The following ERC2 variants were observed in gnomAD, a reference collection of about 807,000 sequenced individuals.
ERC2 encodes the protein ERC protein 2.
A neutral mutation model predicts 114.8 loss-of-function variants in ERC2; 42 were observed. That is an observed-to-expected ratio of 0.37 (90% CI 0.29 to 0.47). The LOEUF (loss-of-function observed/expected upper bound fraction) is 0.47. Among genes scored for constraint, ERC2 ranks in the 20% least tolerant of loss-of-function variants. ERC2 has a pLI of 0.99. For missense variants in ERC2, 939 were observed against 1,150.7 expected (o/e 0.82, Z 2.66); for synonymous variants, 454 against 425.5 (o/e 1.07, Z -0.82).
chr3:56,259,362 C>T (rs1329553626), intron 3 of ERC2, among the ~76,000 whole-genome samples: 1 of 152,138 alleles, frequency 6.6e-6, no homozygotes, highest in African/African-American at 2.4e-5. Flanking sequence ...GATGTACGTT[C>T]ACTGCAATTC....
chr3:55,643,354 C>T (rs1559789540), intron 17 of ERC2, among the ~76,000 whole-genome samples: 1 of 152,138 alleles, frequency 6.6e-6, no homozygotes, highest in Non-Finnish European at 1.5e-5. Flanking sequence ...GAGCATCAAT[C>T]ATCATCATGT....
chr3:55,519,665 T>C (rs565660284), intron 17 of ERC2, among the ~76,000 whole-genome samples: 7 of 152,172 alleles, frequency 4.6e-5, no homozygotes, highest in Non-Finnish European at 7.4e-5. Flanking sequence ...GGGTTTGATA[T>C]TATCTAGGCT....
At chr3:55,726,586 A>AT (rs1329862744) in intron 15 of ERC2, among the ~76,000 whole-genome samples, 1 of 152,112 alleles carries the variant, frequency 6.6e-6, no homozygotes, top group Non-Finnish European at 1.5e-5. Context: ...GCCTTCTCCC[A>AT]TTTTTTACCA....
Position 56,119,475 on chromosome 3 carries a change from C to T in ERC2, c.1473+20034G>A, listed in dbSNP as rs150423912. On this transcript the variant is annotated intron_variant, in intron 6 of 17. Coordinates refer to ENST00000288221, the MANE Select transcript of ERC2 (RefSeq NM_015576.3). Reference sequence around the variant, plus strand: ...TGCCATCCCCTTCTTCCCTGGTTTACTCCAACTCATCTTTCAGATCACAGA... The same window carrying T: ...TGCCATCCCCTTCTTCCCTGGTTTATTCCAACTCATCTTTCAGATCACAGA... 1.6e-3 allele frequency among the ~76,000 whole-genome samples: 248 copies of T among 152,362 alleles called. 1 individual carries two copies. The highest frequency in any genetic ancestry group is 5.2e-3 in the African/African-American group (218 of 41,592).
At chr3:56,131,942 T>C (rs1053422349) in intron 6 of ERC2, among the ~76,000 whole-genome samples, 1 of 152,236 alleles carries the variant, frequency 6.6e-6, no homozygotes, top group African/African-American at 2.4e-5. Flanking sequence ...AAAATCACCG[T>C]ACCCCATAAA....
chr3:55,780,736 G>A (rs1575581683), intron 14 of ERC2, among the ~76,000 whole-genome samples: 3 of 152,006 alleles, frequency 2.0e-5, no homozygotes, highest in South Asian at 4.2e-4. Flanking sequence ...CTTAATTTAC[G>A]GATGTGCCTT....
At chr3:56,301,812 C>G (rs1472415484) in intron 2 of ERC2, among the ~76,000 whole-genome samples, 1 of 152,082 alleles carries the variant, frequency 6.6e-6, no homozygotes, top group Non-Finnish European at 1.5e-5. Context: ...AATTGATAAA[C>G]TTTCTGTGCC....
At chr3:55,731,738 C>G (rs1311570055) in intron 15 of ERC2, among the ~76,000 whole-genome samples, 1 of 152,146 alleles carries the variant, frequency 6.6e-6, no homozygotes, top group Admixed American at 6.5e-5. Flanking sequence ...GTATCAAACC[C>G]TCAGTCTTGT....
chr3:56,114,917 A>C (rs1373129517), intron 6 of ERC2, among the ~76,000 whole-genome samples: 1 of 152,230 alleles, frequency 6.6e-6, no homozygotes, highest in Non-Finnish European at 1.5e-5. Flanking sequence ...TGTAAAGCCA[A>C]CAAATTAGCC....
intron 6 of ERC2, among the ~76,000 whole-genome samples, chr3:56,095,477 G>A (rs934179785): frequency 1.3e-5 from 2 of 152,174 alleles, no homozygotes; most frequent in African/African-American, 4.8e-5. Flanking sequence ...ATTCCAGTAT[G>A]TCTAACATGT....
intron 2 of ERC2, among the ~76,000 whole-genome samples, chr3:56,406,518 A>G (rs1381451947): frequency 1.3e-5 from 2 of 152,202 alleles, no homozygotes; most frequent in African/African-American, 2.4e-5. Context: ...TGGAGCACAC[A>G]GGGCCCAGAC....
intron 7 of ERC2, among the ~76,000 whole-genome samples, chr3:56,030,800 G>T (rs558125101): frequency 2.0e-5 from 3 of 152,086 alleles, no homozygotes; most frequent in African/African-American, 7.2e-5. Flanking sequence ...TATACCCTCC[G>T]AATGGAGCAC....
chr3:56,085,085 A>G (rs980811203), intron 6 of ERC2, among the ~76,000 whole-genome samples: 4 of 152,182 alleles, frequency 2.6e-5, no homozygotes, highest in African/African-American at 9.6e-5. Context: ...AACAGATCAT[A>G]TCTGACATCT....
At chr3:55,758,695 A>T (rs1171617585) in intron 14 of ERC2, among the ~76,000 whole-genome samples, 1 of 152,248 alleles carries the variant, frequency 6.6e-6, no homozygotes, top group Non-Finnish European at 1.5e-5. Flanking sequence ...GCCATTTAAT[A>T]TAAGGAAGTG....
In ERC2 at chr3:56,010,583, T is replaced by C. The variant is rs1444289589; in HGVS notation, c.1786A>G (p.Ile596Val). ...CGCTGTTCTTTCAAGCGCTCAATTA[T>C]TCTCTCCTGTAAGGCAATTAACAAA... The part of the protein sequence containing the change: ...LEEALSEKER[I>V]IERLKEQRER... Residue 596 changes from isoleucine (I) to valine (V), a missense_variant, in exon 9 of 18, where the codon ATA (isoleucine) becomes GTA (valine). Ile to Val is a conservative substitution (Grantham distance 29). Coordinates refer to ENST00000288221, the MANE Select transcript of ERC2 (RefSeq NM_015576.3). 1.2e-6 allele frequency: 2 copies of C among 1,612,900 alleles called. No homozygotes were observed. The highest frequency in any genetic ancestry group is 8.5e-7 in the Non-Finnish European group (1 of 1,179,602).
chr3:56,329,664 C>G (rs1463281503), intron 2 of ERC2, among the ~76,000 whole-genome samples: 1 of 152,094 alleles, frequency 6.6e-6, no homozygotes, highest in African/African-American at 2.4e-5. Flanking sequence ...AAGGTCACAG[C>G]CCAGGGGCAC....
chr3:56,311,948 C>A (rs1043857361), intron 2 of ERC2, among the ~76,000 whole-genome samples: 4 of 150,312 alleles, frequency 2.7e-5, no homozygotes, highest in Non-Finnish European at 5.9e-5. Flanking sequence ...TGAGGGAAAA[C>A]AAAAAATAAT....
intron 2 of ERC2, among the ~76,000 whole-genome samples, chr3:56,321,834 T>A (rs1226948851): frequency 2.0e-5 from 3 of 152,222 alleles, no homozygotes; most frequent in Non-Finnish European, 4.4e-5. Flanking sequence ...TTTAATTTAC[T>A]TTAACAATAG....
intron 2 of ERC2, among the ~76,000 whole-genome samples, chr3:56,344,903 C>T (rs985454453): frequency 4.2e-4 from 64 of 152,318 alleles, no homozygotes; most frequent in African/African-American, 1.5e-3. Context: ...AACACATCCT[C>T]GTTGGATGTG....
Sources: gnomAD v4.1 joint callset for allele counts (sites outside exome capture counted in the v4.1 genomes callset) on GRCh38, gnomAD v4.1.1 for gene constraint, MANE v1.5 for transcripts, NCBI Gene and HGNC (gene_info 2026-07-23, HGNC 2026-07-21) for gene names.